Variants in IQCM observed in about 807,000 individuals in gnomAD.
IQCM encodes IQ motif containing M.
Under a neutral mutation model 57.6 loss-of-function variants are expected in IQCM, and 45 were observed. The ratio of observed to expected loss-of-function variants is 0.78; its 90% CI spans 0.62 to 1.00. The LOEUF is 1.00. Among genes scored for constraint, IQCM ranks in the 50% least tolerant of loss-of-function variants. The pLI is 0.00. For synonymous variants in IQCM, 148 were observed against 158.9 expected (o/e 0.93, Z 0.51); for missense variants, 468 against 511.6 (o/e 0.91, Z 0.82).
chr4:149,478,975 CA>C (rs1164684687), intron 12 of IQCM, among the ~76,000 whole-genome samples: 2 of 8,426 alleles, frequency 2.4e-4, no homozygotes, highest in Non-Finnish European at 2.7e-3. Context: ...AAATTCTTAA[CA>C]AATCATTTAA....
At chr4:149,446,211 ACT>A (rs1736490665) in intron 12 of IQCM, among the ~76,000 whole-genome samples, 1 of 151,648 alleles carries the variant, frequency 6.6e-6, no homozygotes, top group African/African-American at 2.4e-5. Flanking sequence ...AGCTGTTCAC[ACT>A]CTCTCATTTG....
chr4:149,680,491 A>C (rs56312806), intron 7 of IQCM, among the ~76,000 whole-genome samples: 32,041 of 151,138 alleles, frequency 0.21, 4,220 homozygotes, highest in Non-Finnish European at 0.28. Context: ...TTTTAGCCTA[A>C]TGTGCAGAGA....
intron 2 of IQCM, among the ~76,000 whole-genome samples, chr4:149,745,304 C>A (rs1767826077): frequency 6.6e-6 from 1 of 152,178 alleles, no homozygotes; most frequent in Non-Finnish European, 1.5e-5. Flanking sequence ...TTGAACAGGG[C>A]ATTGACATAA....
In IQCM at chr4:149,673,779, G is replaced by C. The variant is rs1013536751; in HGVS notation, c.565+8339C>G. Among the ~76,000 whole-genome samples the C allele has an allele frequency of 9.2e-5, 14 of 152,204 alleles. No homozygotes were observed. The Middle Eastern group carries it at 0.014, about 148-fold the overall frequency. ...AGCTCTGCACCAAGCGGAACTAATAGACATCTACAGAACTCTCCACCCCAA... is the reference window on the plus strand; with the variant it reads ...AGCTCTGCACCAAGCGGAACTAATACACATCTACAGAACTCTCCACCCCAA... On this transcript the variant is annotated intron_variant, in intron 7 of 13. Transcript: ENST00000636793.
At chr4:149,360,600 T>G (rs992885580) in intron 13 of IQCM, among the ~76,000 whole-genome samples, 13 of 152,132 alleles carry the variant, frequency 8.5e-5, no homozygotes, top group Admixed American at 7.9e-4. Flanking sequence ...ATCTTTCCTG[T>G]GCTATTCTCA....
intron 10 of IQCM, among the ~76,000 whole-genome samples, chr4:149,556,603 A>G (rs889093930): frequency 6.6e-6 from 1 of 152,220 alleles, no homozygotes; most frequent in African/African-American, 2.4e-5. Flanking sequence ...CAAAAGCCTT[A>G]TAAAAACAAA....
At chr4:149,568,876 C>G (rs1267076700) in intron 9 of IQCM, among the ~76,000 whole-genome samples, 1 of 152,132 alleles carries the variant, frequency 6.6e-6, no homozygotes, top group Non-Finnish European at 1.5e-5. Context: ...TAAATCCATA[C>G]CTTTGCAACG....
chr4:149,621,872 C>A (rs1246203396), intron 7 of IQCM, among the ~76,000 whole-genome samples: 1 of 152,050 alleles, frequency 6.6e-6, no homozygotes, highest in East Asian at 1.9e-4. Context: ...AGATATTAAT[C>A]ATTTAAAAAG....
intron 12 of IQCM, among the ~76,000 whole-genome samples, chr4:149,459,196 A>G (rs1389224605): frequency 1.3e-5 from 2 of 152,214 alleles, no homozygotes; most frequent in Non-Finnish European, 2.9e-5. Context: ...TCTTTAAATG[A>G]GATAAAAACA....
chr4:149,782,608 GA>G (rs1276227974), intron 2 of IQCM, among the ~76,000 whole-genome samples: 1 of 89,134 alleles, frequency 1.1e-5, no homozygotes, highest in Non-Finnish European at 2.2e-5. Flanking sequence ...CTCAAAGAAA[GA>G]AAAAAAAAGT....
intron 5 of IQCM, chr4:149,690,934 G>A (rs917304343): frequency 3.9e-5 from 6 of 152,174 alleles, no homozygotes; most frequent in African/African-American, 1.4e-4. Context: ...CTGCCCCCTG[G>A]AACTTCAGGG....
At chr4:149,599,684 A>G (rs1754093826) in intron 8 of IQCM, among the ~76,000 whole-genome samples, 1 of 152,202 alleles carries the variant, frequency 6.6e-6, no homozygotes, top group South Asian at 2.1e-4. Context: ...TGGCAGATAT[A>G]TGACAACTTC....
At chr4:149,482,191 G>C (rs1360003712) in intron 12 of IQCM, among the ~76,000 whole-genome samples, 1 of 151,804 alleles carries the variant, frequency 6.6e-6, no homozygotes, top group African/African-American at 2.4e-5. Flanking sequence ...AAGTCTGTAG[G>C]CTTTTCCAAA....
chr4:149,522,240 C>T (rs1745726396), intron 12 of IQCM, among the ~76,000 whole-genome samples: 1 of 152,182 alleles, frequency 6.6e-6, no homozygotes, highest in South Asian at 2.1e-4. Context: ...GACAGCTGCT[C>T]ACCCCACCAC....
At chr4:149,595,436 G>A (rs927457564) in intron 8 of IQCM, among the ~76,000 whole-genome samples, 7 of 151,964 alleles carry the variant, frequency 4.6e-5, no homozygotes, top group African/African-American at 1.5e-4. Flanking sequence ...TGTTTAAATA[G>A]GTACTGTGAA....
At chr4:149,526,078 G>A (rs1277628275) in intron 12 of IQCM, among the ~76,000 whole-genome samples, 1 of 151,850 alleles carries the variant, frequency 6.6e-6, no homozygotes, top group East Asian at 1.9e-4. Context: ...ATAAAAAGAT[G>A]TGCTCAATTT....
intron 2 of IQCM, among the ~76,000 whole-genome samples, chr4:149,790,810 T>C (rs1772527640): frequency 6.6e-6 from 1 of 152,046 alleles, no homozygotes; most frequent in Non-Finnish European, 1.5e-5. Flanking sequence ...CTTCTTGGGG[T>C]TTCAGAATGG....
Position 149,687,613 on chromosome 4 carries a change from A to G in IQCM, c.386-1145T>C, listed in dbSNP as rs1579998786. On this transcript the variant is annotated intron_variant, in intron 5 of 13. Transcript: ENST00000636793. ...TAATTCATTCTATGAAGCCAGCATC[A>G]CCCTACTAACAAAACCAGGAAAGGA... Among the ~76,000 whole-genome samples, 3 of 151,846 alleles carry G rather than the reference A, an allele frequency of 2.0e-5. No individual in the cohort carries two copies. In the South Asian group the frequency reaches 6.2e-4, roughly 31 times the overall value.
chr4:149,684,286 A>T (rs964370695), intron 6 of IQCM, among the ~76,000 whole-genome samples: 2 of 151,344 alleles, frequency 1.3e-5, no homozygotes, highest in Admixed American at 1.3e-4. Context: ...TCAAAAATAG[A>T]CAAGTTTAGA....
Sources: gnomAD v4.1 joint callset for allele counts (sites outside exome capture counted in the v4.1 genomes callset) on GRCh38, gnomAD v4.1.1 for gene constraint, MANE v1.5 for transcripts, NCBI Gene and HGNC (gene_info 2026-07-23, HGNC 2026-07-21) for gene names.